KLF18: variants seen among roughly 807,000 people sequenced by gnomAD.
KLF18 encodes KLF transcription factor 18.
rs1331786985 is a variant in KLF18 at position 44,140,312 on chromosome 1, G to T, written c.1320C>A (p.Asn440Lys). The T allele has an allele frequency of 6.1e-5, 18 of 294,510 alleles. No individual in the cohort carries two copies. The highest frequency in any genetic ancestry group is 1.1e-4 in the Non-Finnish European group (18 of 171,222). 18.2% of individuals were successfully genotyped at this position (294,510 alleles called of 1,614,324 possible). ...CGGQMTTSTG[N>K]QNLCGEQVMT... ...TCACTTGCTCTCCACAGAGGTTCTG[G>T]TTACCAGTGGAGGTCGTCATCTGCC... Residue 440 changes from asparagine to lysine, a missense_variant, in exon 1 of 2, where the codon AAC becomes AAA. Asn to Lys is a moderately conservative substitution (Grantham distance 94, BLOSUM62 0). Transcript: ENST00000634670.
Position 44,140,993 on chromosome 1 carries a change from C to G in KLF18, c.639G>C (p.Met213Ile), listed in dbSNP as rs1572000769. 2.5e-6 allele frequency: 1 copy of G among 398,680 alleles called. No homozygotes were observed. Among genetic ancestry groups the G allele is most frequent in the Non-Finnish European group, 4.4e-6 (1 of 226,174 alleles). 24.7% of individuals were successfully genotyped at this position (398,680 alleles called of 1,614,324 possible). ...GSDETLSGGQMTTSLDLYGGQ... is the reference protein window; with the variant it reads ...GSDETLSGGQITTSLDLYGGQ... Reference sequence around the variant, plus strand: ...CTCCATAGAGGTCTAGACTGGTTGTCATTTGGCCCCCAGAGAGGGTCTCAT... The same window carrying G: ...CTCCATAGAGGTCTAGACTGGTTGTGATTTGGCCCCCAGAGAGGGTCTCAT... The change falls in exon 1 of 2, where the codon ATG becomes ATC. Residue 213 changes from methionine (M) to isoleucine (I), a missense_variant. Met to Ile is a conservative substitution (Grantham distance 10, BLOSUM62 1). Coordinates refer to ENST00000634670, the MANE Select transcript of KLF18 (RefSeq NM_001358438.1).
In KLF18 at chr1:44,138,662, A is replaced by G; in HGVS notation, c.2968+2T>C. The stretch of plus-strand genomic sequence containing the variant: ...CACCCCTGTTTCTGGGCCCTCACTC[A>G]CCGGTGTGCTTGCGCATGTGGGTTC... On this transcript the variant is annotated splice_donor_variant, in intron 1 of 1. Transcript: ENST00000634670. LOFTEE classifies it high-confidence loss of function. The G allele has an allele frequency of 2.5e-6, 1 of 398,454 alleles. No individual in the cohort carries two copies. Among genetic ancestry groups the G allele is most frequent in the Middle Eastern group, 6.3e-4 (1 of 1,588 alleles). The allele number at this position is 398,454 out of a possible 1,614,324, so 24.7% of individuals were successfully genotyped here. A position where few individuals can be genotyped will look rare whatever the true frequency, so the allele number is the denominator to read the frequency against.
At position 44,139,989 on chromosome 1, in the gene KLF18, G is replaced by T. The variant is rs1333320006; in HGVS notation, c.1643C>A (p.Thr548Asn). ...NQTLCGEQMT[T>N]PTSNQTLCGE... ...ACAGAGGGTCTGGTTACTAGTGGGG[G>T]TCGTCATCTGCTCTCCACAGAGGGT... is the stretch of plus-strand genomic sequence containing the variant. The change falls in exon 1 of 2, where the codon ACC (threonine) becomes AAC (asparagine). Residue 548 changes from threonine (T) to asparagine (N), a missense_variant. Transcript: ENST00000634670. 7.7e-6 allele frequency: 3 copies of T among 389,688 alleles called. No individual in the cohort carries two copies. The highest frequency in any genetic ancestry group is 1.4e-5 in the Non-Finnish European group (3 of 221,906). 24.1% of individuals were successfully genotyped at this position (389,688 alleles called of 1,614,324 possible).
chr1:44,138,176 C>T lies in KLF18; in HGVS notation c.2969-165G>A, dbSNP rs763821444. Among the ~76,000 whole-genome samples the T allele has an allele frequency of 5.5e-4, 83 of 151,010 alleles. 1 individual carries two copies. Among genetic ancestry groups the T allele is most frequent in the Admixed American group, 3.8e-3 (57 of 15,124 alleles). ...AGTGAAGGAGGAGGGGAATGAGGGC[C>T]GCAAAAGCTGGAGAGACAAGAGGAA... On this transcript the variant is annotated intron_variant, in intron 1 of 1. Coordinates refer to ENST00000634670, the MANE Select transcript of KLF18 (RefSeq NM_001358438.1).
In KLF18 at chr1:44,138,670, G is replaced by A; in HGVS notation, c.2962C>T (p.His988Tyr). 2.5e-6 allele frequency: 1 copy of A among 398,638 alleles called. No individual in the cohort carries two copies. Among genetic ancestry groups the A allele is most frequent in the Non-Finnish European group, 4.4e-6 (1 of 226,066 alleles). The allele number at this position is 398,638 out of a possible 1,614,324, so 24.7% of individuals were successfully genotyped here. Reference protein sequence around the residue: ...ACHLRTHMRKHTGEKPYVCDV... With the variant: ...ACHLRTHMRKYTGEKPYVCDV... ...TTTCTGGGCCCTCACTCACCGGTGTGCTTGCGCATGTGGGTTCGGAGGTGG... is the reference window on the plus strand; with the variant it reads ...TTTCTGGGCCCTCACTCACCGGTGTACTTGCGCATGTGGGTTCGGAGGTGG... The change falls in exon 1 of 2, where the codon CAC (histidine) becomes TAC (tyrosine). Residue 988 changes from histidine to tyrosine, a missense_variant. Physicochemically the swap from His to Tyr is moderately conservative, Grantham distance 83. Transcript: ENST00000634670.
chr1:44,138,598 C>T (rs2154312168), intron 1 of KLF18, 66 bp downstream of exon 1: 2 of 195,590 alleles, frequency 1.0e-5, no homozygotes, highest in Non-Finnish European at 1.7e-5. Flanking sequence ...GCAGCAATCT[C>T]AAATGCTTCC....
At position 44,139,778 on chromosome 1, in the gene KLF18, G is replaced by A; in HGVS notation, c.1854C>T (p.Thr618=). The change falls in exon 1 of 2, where the codon ACC becomes ACT. Residue 618 remains threonine, a synonymous_variant. Transcript: ENST00000634670. ...NQALYGGQMM[T]STGNQALYGG... is the part of the protein sequence containing the mutation. ...CGTAGAGGGCCTGGTTACCAGTGGAGGTCATCATCTGCCCCCCATAGAGGG... is the reference window on the plus strand; with the variant it reads ...CGTAGAGGGCCTGGTTACCAGTGGAAGTCATCATCTGCCCCCCATAGAGGG... 1 of 392,202 alleles carries A rather than the reference G, an allele frequency of 2.5e-6. No individual in the cohort carries two copies. Among genetic ancestry groups the A allele is most frequent in the Non-Finnish European group, 4.5e-6 (1 of 222,986 alleles). 24.3% of individuals were successfully genotyped at this position (392,202 alleles called of 1,614,324 possible). A position where few individuals can be genotyped will look rare whatever the true frequency, so the allele number is the denominator to read the frequency against.
chr1:44,141,391 C>T lies in KLF18; in HGVS notation c.241G>A (p.Asp81Asn). The change falls in exon 1 of 2, where the codon GAC (aspartate) becomes AAC (asparagine). Residue 81 changes from aspartate (D) to asparagine (N), a missense_variant. By Grantham distance (23) the Asp-to-Asn change is conservative (BLOSUM62 1). Coordinates refer to ENST00000634670, the MANE Select transcript of KLF18 (RefSeq NM_001358438.1). ...TNIPGTVLTQDLTMHPLKALE... is the reference protein window; with the variant it reads ...TNIPGTVLTQNLTMHPLKALE... ...GCTTTAAGAGGGTGCATTGTTAAGT[C>T]CTGGGTGAGAACTGTCCCAGGGATG... The T allele has an allele frequency of 2.5e-6, 1 of 398,514 alleles. No homozygotes were observed. Among genetic ancestry groups the T allele is most frequent in the Non-Finnish European group, 4.4e-6 (1 of 226,112 alleles). The allele number at this position is 398,514 out of a possible 1,614,324, so 24.7% of individuals were successfully genotyped here.
Position 44,139,081 on chromosome 1 carries a change from C to A in KLF18, c.2551G>T (p.Gly851Trp), listed in dbSNP as rs528007989. The change falls in exon 1 of 2, where the codon GGG (glycine) becomes TGG (tryptophan). Residue 851 changes from glycine (G) to tryptophan (W), a missense_variant. Transcript: ENST00000634670. ...CCAGTGGAGGTCATCATCTGCCCCCCATAGAGGGCCTGGTTACCAGTGGAG... is the reference window on the plus strand; with the variant it reads ...CCAGTGGAGGTCATCATCTGCCCCCAATAGAGGGCCTGGTTACCAGTGGAG... Reference protein sequence around the residue: ...TTSTGNQALYGGQMMTSTGNQ... With the variant: ...TTSTGNQALYWGQMMTSTGNQ... 3.5e-3 allele frequency: 1,399 copies of A among 396,258 alleles called. 3 individuals are homozygous for A. Among genetic ancestry groups the A allele is most frequent in the Non-Finnish European group, 5.3e-3 (1,202 of 225,112 alleles). The allele number at this position is 396,258 out of a possible 1,614,324, so 24.5% of individuals were successfully genotyped here. A position where few individuals can be genotyped will look rare whatever the true frequency, so the allele number is the denominator to read the frequency against.
chr1:44,141,593 C>T lies in KLF18; in HGVS notation c.39G>A (p.Glu13=). The T allele has an allele frequency of 2.5e-6, 1 of 398,606 alleles. No individual in the cohort carries two copies. The highest frequency in any genetic ancestry group is 4.4e-6 in the Non-Finnish European group (1 of 226,100). The allele number at this position is 398,606 out of a possible 1,614,324, so 24.7% of individuals were successfully genotyped here. A position where few individuals can be genotyped will look rare whatever the true frequency, so the allele number is the denominator to read the frequency against. Residue 13 remains glutamate (E), a synonymous_variant, in exon 1 of 2, where the codon GAG becomes GAA. Coordinates refer to ENST00000634670, the MANE Select transcript of KLF18 (RefSeq NM_001358438.1). ...SSLLQAIEEI[E]KFFQHLSERH... ...GCTCAGAGAGATGCTGGAAAAATTTCTCAATTTCCTCAATTGCCTGGAGAA... is the reference window on the plus strand; with the variant it reads ...GCTCAGAGAGATGCTGGAAAAATTTTTCAATTTCCTCAATTGCCTGGAGAA...
rs1643213593 is a variant in KLF18 at position 44,139,588 on chromosome 1, A to G, written c.2044T>C (p.Tyr682His). 2.5e-6 allele frequency: 1 copy of G among 397,422 alleles called. No individual in the cohort carries two copies. The highest frequency in any genetic ancestry group is 4.4e-6 in the Non-Finnish European group (1 of 226,078). The allele number at this position is 397,422 out of a possible 1,614,324, so 24.6% of individuals were successfully genotyped here. A position where few individuals can be genotyped will look rare whatever the true frequency, so the allele number is the denominator to read the frequency against. ...MTTSTGNQAL[Y>H]GGQMTTSTSN... ...GTGGAGGTCGTCATCTGCCCCCCGT[A>G]GAGGGCCTGGTTACCAGTGGAGGTT... The change falls in exon 1 of 2, where the codon TAC (tyrosine) becomes CAC (histidine). Residue 682 changes from tyrosine (Y) to histidine (H), a missense_variant. Coordinates refer to ENST00000634670, the MANE Select transcript of KLF18 (RefSeq NM_001358438.1).
chr1:44,141,034 C>T lies in KLF18; in HGVS notation c.598G>A (p.Val200Met), dbSNP rs1011204615. The T allele has an allele frequency of 1.0e-5, 4 of 398,454 alleles. No homozygotes were observed. The highest frequency in any genetic ancestry group is 8.2e-5 in the African/African-American group (4 of 48,574). 24.7% of individuals were successfully genotyped at this position (398,454 alleles called of 1,614,324 possible). A position where few individuals can be genotyped will look rare whatever the true frequency, so the allele number is the denominator to read the frequency against. Residue 200 changes from valine (V) to methionine (M), a missense_variant, in exon 1 of 2, where the codon GTG becomes ATG. Val to Met is a conservative substitution (Grantham distance 21). Coordinates refer to ENST00000634670, the MANE Select transcript of KLF18 (RefSeq NM_001358438.1). ...AGGGTCTCATCGCTACCGGAAGTCACTGTATGACCATCAGTGAGGGTCTGG... is the reference window on the plus strand; with the variant it reads ...AGGGTCTCATCGCTACCGGAAGTCATTGTATGACCATCAGTGAGGGTCTGG... ...SDQTLTDGHT[V>M]TSGSDETLSG... is the part of the protein sequence containing the mutation.
Position 44,140,862 on chromosome 1 carries a change from C to A in KLF18, c.770G>T (p.Gly257Val), listed in dbSNP as rs967272454. 1 of 382,154 alleles carries A rather than the reference C, an allele frequency of 2.6e-6. No homozygotes were observed. Among genetic ancestry groups the A allele is most frequent in the African/African-American group, 2.1e-5 (1 of 48,146 alleles). 23.7% of individuals were successfully genotyped at this position (382,154 alleles called of 1,614,324 possible). A position where few individuals can be genotyped will look rare whatever the true frequency, so the allele number is the denominator to read the frequency against. Residue 257 changes from glycine (G) to valine (V), a missense_variant, in exon 1 of 2, where the codon GGT becomes GTT. Transcript: ENST00000634670. ...CTGCTCTCCACAGAGGGTCTGGTTACCAGTGGAGGTCGTCATCTGTCTCCC... is the reference window on the plus strand; with the variant it reads ...CTGCTCTCCACAGAGGGTCTGGTTAACAGTGGAGGTCGTCATCTGTCTCCC... ...FYGRQMTTST[G>V]NQTLCGEQMT...
intron 1 of KLF18, among the ~76,000 whole-genome samples, chr1:44,138,271 C>T (rs1423097609): frequency 6.6e-6 from 1 of 152,060 alleles, no homozygotes; most frequent in African/African-American, 2.4e-5. Context: ...CAGTTATTGG[C>T]AGGCAAGTTA....
rs1170757827 is a variant in KLF18, at chr1:44,139,013, A to G, written c.2619T>C (p.Asp873=). Residue 873 remains aspartate (D), a synonymous_variant, in exon 1 of 2, where the codon GAT becomes GAC. Coordinates refer to ENST00000634670, the MANE Select transcript of KLF18 (RefSeq NM_001358438.1). The part of the protein sequence containing the change: ...LYGGQNMTST[D]NQALYGGQMA... ...TCTGGCCTCCATAGAGGGCCTGGTT[A>G]TCAGTGGAGGTCATATTCTGCCCCC... 7.5e-6 allele frequency: 3 copies of G among 398,300 alleles called. No individual in the cohort carries two copies. The highest frequency in any genetic ancestry group is 6.2e-5 in the African/African-American group (3 of 48,586). 24.7% of individuals were successfully genotyped at this position (398,300 alleles called of 1,614,324 possible).
rs143070808 is a variant in KLF18, at chr1:44,140,036, C to A, written c.1596G>T (p.Met532Ile). The A allele has an allele frequency of 4.8e-3, 1,876 of 390,310 alleles. 27 individuals carry two copies. Among genetic ancestry groups the A allele is most frequent in the East Asian group, 0.021 (553 of 25,890 alleles). 24.2% of individuals were successfully genotyped at this position (390,310 alleles called of 1,614,324 possible). A position where few individuals can be genotyped will look rare whatever the true frequency, so the allele number is the denominator to read the frequency against. Residue 532 changes from methionine (M) to isoleucine (I), a missense_variant, in exon 1 of 2, where the codon ATG becomes ATT. Met to Ile is a conservative substitution (Grantham distance 10, BLOSUM62 1). Transcript: ENST00000634670. ...TGNQALYGGQ[M>I]TTSTSNQTLC... ...GGGTCTGGTTACTAGTAGAGGTTGTCATCTGCCCCCCGTAGAGGGCCTGGT... is the reference window on the plus strand; with the variant it reads ...GGGTCTGGTTACTAGTAGAGGTTGTAATCTGCCCCCCGTAGAGGGCCTGGT...
chr1:44,140,976 A>G lies in KLF18; in HGVS notation c.656T>C (p.Leu219Pro). Residue 219 changes from leucine (L) to proline (P), a missense_variant, in exon 1 of 2, where the codon CTC (leucine) becomes CCC (proline). Coordinates refer to ENST00000634670, the MANE Select transcript of KLF18 (RefSeq NM_001358438.1). ...GGAAGTCATCATTTGCCCTCCATAG[A>G]GGTCTAGACTGGTTGTCATTTGGCC... The part of the protein sequence containing the change: ...SGGQMTTSLD[L>P]YGGQMMTSID... The G allele has an allele frequency of 2.5e-6, 1 of 398,558 alleles. No individual in the cohort carries two copies. Among genetic ancestry groups the G allele is most frequent in the Non-Finnish European group, 4.4e-6 (1 of 226,104 alleles). The allele number at this position is 398,558 out of a possible 1,614,324, so 24.7% of individuals were successfully genotyped here.
chr1:44,138,588 GCAGCAATCT>G (rs1643190423), intron 1 of KLF18, 67 bp downstream of exon 1: 1 of 360,454 alleles, frequency 2.8e-6, no homozygotes, highest in African/African-American at 2.3e-5. Flanking sequence ...AAAGGAAGTG[GCAGCAATCT>G]CAAATGCTTC....
In KLF18 at chr1:44,138,777, C is replaced by T. The variant is rs138446662; in HGVS notation, c.2855G>A (p.Cys952Tyr). The T allele has an allele frequency of 8.7e-4, 346 of 398,684 alleles. 2 individuals carry two copies. Among genetic ancestry groups the T allele is most frequent in the African/African-American group, 6.1e-3 (299 of 48,756 alleles). 24.7% of individuals were successfully genotyped at this position (398,684 alleles called of 1,614,324 possible). Residue 952 changes from cysteine to tyrosine, a missense_variant, in exon 1 of 2, where the codon TGC becomes TAC. By Grantham distance (194) the Cys-to-Tyr change is radical. Transcript: ENST00000634670. ...AACCTCAGGATTCTTCCAGAACTGGCAGCTCTGTGTCTTCTGTTTTGGGAG... is the reference window on the plus strand; with the variant it reads ...AACCTCAGGATTCTTCCAGAACTGGTAGCTCTGTGTCTTCTGTTTTGGGAG... ...GQLPKQKTQS[C>Y]QFWKNPEVSR...
Sources: allele counts gnomAD v4.1 joint callset (sites outside exome capture counted in the v4.1 genomes callset), GRCh38; gene constraint gnomAD v4.1.1; transcripts MANE v1.5; gene names NCBI Gene and HGNC (gene_info 2026-07-23, HGNC 2026-07-21).